OR10H1: variants seen among roughly 807,000 people sequenced by gnomAD.
OR10H1 encodes the protein olfactory receptor family 10 subfamily H member 1.
In OR10H1, 12 loss-of-function variants were observed where a neutral mutation model predicts 13.1. The ratio of observed to expected loss-of-function variants is 0.92; its 90% confidence interval spans 0.59 to 1.48. The LOEUF (loss-of-function observed/expected upper bound fraction) is 1.48. Ranked by LOEUF, OR10H1 falls within the 40% of genes most tolerant of loss-of-function variation. The probability of loss-of-function intolerance (pLI) is 0.00; values close to 1 mark genes in which losing one functional copy is unlikely to be tolerated. For synonymous variants in OR10H1, 168 were observed against 175.6 expected (o/e 0.96, Z 0.34); for missense variants, 363 against 413.1 (o/e 0.88, Z 1.05).
chr19:15,809,753 G>T (rs1350511199), intron 2 of OR10H1, among the ~76,000 whole-genome samples: 2 of 152,086 alleles, frequency 1.3e-5, no homozygotes, highest in East Asian at 3.9e-4. Flanking sequence ...CATGGTCTTT[G>T]CTCAGTAACT....
chr19:15,814,468 TGTGTGTGTGTGTGAGAGA>T (rs1256721311), intron 1 of OR10H1, among the ~76,000 whole-genome samples: 8 of 106,414 alleles, frequency 7.5e-5, no homozygotes, highest in East Asian at 4.7e-4. Flanking sequence ...TGTGTGTGTG[TGTGTGTGTGTGTGAGAGA>T]GAGAGAGAGA....
intron 2 of OR10H1, among the ~76,000 whole-genome samples, chr19:15,809,056 T>G (rs2088919275): frequency 6.6e-6 from 1 of 152,012 alleles, no homozygotes; most frequent in African/African-American, 2.4e-5. Flanking sequence ...CCAGACTTCC[T>G]CTGGGGTTAT....
intron 2 of OR10H1, among the ~76,000 whole-genome samples, chr19:15,810,558 A>G (rs535702956): frequency 6.6e-6 from 1 of 152,034 alleles, no homozygotes; most frequent in Non-Finnish European, 1.5e-5. Flanking sequence ...TCATCTTTTC[A>G]TGGACATGAG....
At chr19:15,815,112 G>T (rs946676875) in intron 1 of OR10H1, among the ~76,000 whole-genome samples, 2 of 152,080 alleles carry the variant, frequency 1.3e-5, no homozygotes, top group East Asian at 1.9e-4. Flanking sequence ...AAGCCGAGGC[G>T]GGTGGATCAC....
rs2084411582 is a variant in OR10H1 at position 15,812,354 on chromosome 19, G to C, written c.-253C>G. 1 of 150,476 alleles carries C rather than the reference G, an allele frequency of 6.6e-6. No individual in the cohort carries two copies. The highest frequency in any genetic ancestry group is 1.5e-5 in the Non-Finnish European group (1 of 67,770). The allele number at this position is 150,476 out of a possible 1,614,324, so 9.3% of individuals were successfully genotyped here. A position where few individuals can be genotyped will look rare whatever the true frequency, so the allele number is the denominator to read the frequency against. On this transcript the variant is annotated 5_prime_UTR_variant, in exon 2 of 4. Coordinates refer to ENST00000641419, the MANE Select transcript of OR10H1 (RefSeq NM_013940.4). The stretch of plus-strand genomic sequence containing the variant: ...CGACAGCGAGTGAGTGAACAAGGTG[G>C]GGGGAGAGAGAGAGAGAGAAAAGGA...
rs141603510 is a variant in OR10H1 at position 15,810,929 on chromosome 19, A to G, written c.-129+1301T>C. Among the ~76,000 whole-genome samples, 149 of 152,212 alleles carry G rather than the reference A, an allele frequency of 9.8e-4. No homozygotes were observed. In the East Asian group the frequency reaches 0.017, roughly 17 times the overall value. The stretch of plus-strand genomic sequence containing the variant: ...TAAAGAAAAGAAAATAAATAAATAA[A>G]TAGGTAAATTTCAGGTTGTATGTAT... On this transcript the variant is annotated intron_variant, in intron 2 of 3. Coordinates refer to ENST00000641419, the MANE Select transcript of OR10H1 (RefSeq NM_013940.4).
At chr19:15,808,455 G>T (rs543578330) in intron 3 of OR10H1, among the ~76,000 whole-genome samples, 84 of 152,266 alleles carry the variant, frequency 5.5e-4, no homozygotes, top group Non-Finnish European at 1.1e-3. Flanking sequence ...TGGAGGCTAA[G>T]GGGGAAGGAC....
Position 15,806,925 on chromosome 19 carries a change from C to T in OR10H1, c.*156G>A, listed in dbSNP as rs1342836864. 2 of 688,250 alleles carry T rather than the reference C, an allele frequency of 2.9e-6. No individual in the cohort carries two copies. Among genetic ancestry groups the T allele is most frequent in the Middle Eastern group, 4.1e-4 (1 of 2,416 alleles). 42.6% of individuals were successfully genotyped at this position (688,250 alleles called of 1,614,324 possible). A position where few individuals can be genotyped will look rare whatever the true frequency, so the allele number is the denominator to read the frequency against. Reference sequence around the variant, plus strand: ...TATTTTTAGTAGAGATGGGGTTTCGCCATGTTAGCCATGCTGGTCTCAAAC... The same window carrying T: ...TATTTTTAGTAGAGATGGGGTTTCGTCATGTTAGCCATGCTGGTCTCAAAC... On this transcript the variant is annotated 3_prime_UTR_variant, in exon 4 of 4. Transcript: ENST00000641419.
In OR10H1 at chr19:15,807,084, C is replaced by T; in HGVS notation, c.954G>A (p.Met318Ile). The change falls in exon 4 of 4, where the codon ATG becomes ATA. Residue 318 changes from methionine to isoleucine, a missense_variant. Met to Ile is a conservative substitution (Grantham distance 10). Around this residue, in one of 3 missense-constraint regions of OR10H1, gnomAD observed 42 missense variants for 30.3 expected, o/e 1.39. Transcript: ENST00000641419. ...AGTTGTTCCCAGTGAATTTCTCCTA[C>T]ATCATTACATTTTTTTCTGGGTAGA... ...SKLYPEKNVMM is the reference protein window; with the variant it reads ...SKLYPEKNVMI 1 of 1,609,114 alleles carries T rather than the reference C, an allele frequency of 6.2e-7. No individual in the cohort carries two copies. The highest frequency in any genetic ancestry group is 1.1e-5 in the South Asian group (1 of 90,354).
intron 1 of OR10H1, among the ~76,000 whole-genome samples, chr19:15,814,301 C>T (rs990107615): frequency 2.0e-5 from 3 of 152,066 alleles, no homozygotes; most frequent in Non-Finnish European, 4.4e-5. Flanking sequence ...TTAACTCTCA[C>T]CCATCCTGGC....
At chr19:15,815,334 C>T (rs1317398743) in intron 1 of OR10H1, among the ~76,000 whole-genome samples, 1 of 131,250 alleles carries the variant, frequency 7.6e-6, no homozygotes, top group Admixed American at 7.4e-5. Context: ...GAGCGAGATT[C>T]CGTCTCAAAA....
At position 15,804,549 on chromosome 19, in the gene OR10H1, T is replaced by C. The variant is rs2088885044; in HGVS notation, c.*2532A>G. On this transcript the variant is annotated 3_prime_UTR_variant, in exon 4 of 4. Transcript: ENST00000641419. ...TTCATCCATGTCCCTACAAAGGACA[T>C]GAACTCATCATTTTTTATGGCTGCA... 6.8e-6 allele frequency: 1 copy of C among 147,486 alleles called. No homozygotes were observed. The highest frequency in any genetic ancestry group is 2.5e-5 in the African/African-American group (1 of 40,550). 9.1% of individuals were successfully genotyped at this position (147,486 alleles called of 1,614,324 possible).
chr19:15,812,060 C>A (rs1449320115), intron 2 of OR10H1, among the ~76,000 whole-genome samples, 170 bp downstream of exon 2: 1 of 152,206 alleles, frequency 6.6e-6, no homozygotes, highest in African/African-American at 2.4e-5. Flanking sequence ...AATATTTACC[C>A]CCACATTAGA....
chr19:15,807,752 C>T lies in OR10H1; in HGVS notation c.286G>A (p.Ala96Thr). ...LSTQRSIAFL[A>T]CASQMFFSFS... ...GAGAAGAACATCTGACTGGCACAGG[C>T]CAGGAAGGCGATGGAGCGCTGGGTG... is the stretch of plus-strand genomic sequence containing the variant. Residue 96 changes from alanine (A) to threonine (T), a missense_variant, in exon 4 of 4, where the codon GCC becomes ACC. This residue lies in a region of OR10H1 where 318 missense variants were observed against 366.6 expected (regional missense o/e 0.87). Transcript: ENST00000641419. 1 of 1,611,436 alleles carries T rather than the reference C, an allele frequency of 6.2e-7. No individual in the cohort carries two copies. The highest frequency in any genetic ancestry group is 8.5e-7 in the Non-Finnish European group (1 of 1,178,000).
chr19:15,807,762 G>A lies in OR10H1; in HGVS notation c.276C>T (p.Ile92=), dbSNP rs774047283. 36 of 1,609,898 alleles carry A rather than the reference G, an allele frequency of 2.2e-5. No individual in the cohort carries two copies. The highest frequency in any genetic ancestry group is 1.7e-4 in the Middle Eastern group (1 of 6,022). ...LADLLSTQRS[I]AFLACASQMF... ...TCTGACTGGCACAGGCCAGGAAGGC[G>A]ATGGAGCGCTGGGTGGACAGCAGGT... Residue 92 remains isoleucine (I), a synonymous_variant, in exon 4 of 4, where the codon ATC becomes ATT. Transcript: ENST00000641419.
chr19:15,815,427 T>TA (rs2088961203), intron 1 of OR10H1, 128 bp downstream of exon 1: 2 of 152,146 alleles, frequency 1.3e-5, no homozygotes, highest in African/African-American at 4.8e-5. Flanking sequence ...CCTCTGCCTG[T>TA]CACCCACTGC....
At chr19:15,810,888 T>A (rs954375659) in intron 2 of OR10H1, among the ~76,000 whole-genome samples, 1 of 71,248 alleles carries the variant, frequency 1.4e-5, no homozygotes, top group African/African-American at 5.3e-5. Flanking sequence ...AATAAAGAAA[T>A]AAAATAAAAT....
In OR10H1 at chr19:15,807,276, G is replaced by C; in HGVS notation, c.762C>G (p.Gly254=). The C allele has an allele frequency of 6.2e-7, 1 of 1,614,182 alleles. No homozygotes were observed. The highest frequency in any genetic ancestry group is 8.5e-7 in the Non-Finnish European group (1 of 1,180,040). ...GCTTCAGGTAAATGACGGAGGCAAAGCCATAGTGCACGACCACCACAGTGA... is the reference window on the plus strand; with the variant it reads ...GCTTCAGGTAAATGACGGAGGCAAACCCATAGTGCACGACCACCACAGTGA... ...SHLTVVVVHY[G]FASVIYLKPK... is the part of the protein sequence containing the mutation. Residue 254 remains glycine (G), a synonymous_variant, in exon 4 of 4, where the codon GGC becomes GGG. Coordinates refer to ENST00000641419, the MANE Select transcript of OR10H1 (RefSeq NM_013940.4).
At chr19:15,810,761 G>C (rs942712017) in intron 2 of OR10H1, among the ~76,000 whole-genome samples, 1 of 152,026 alleles carries the variant, frequency 6.6e-6, no homozygotes, top group African/African-American at 2.4e-5. Context: ...GGTGGTGTTA[G>C]TGCAACAGCA....
Sources: allele counts gnomAD v4.1 joint callset (sites outside exome capture counted in the v4.1 genomes callset), GRCh38; gene constraint gnomAD v4.1.1; regional missense constraint gnomAD v4.1.1; transcripts MANE v1.5; gene names NCBI Gene and HGNC (gene_info 2026-07-23, HGNC 2026-07-21).